Variants in PIEZO2 observed in about 807,000 individuals in gnomAD.
PIEZO2 encodes the protein piezo type mechanosensitive ion channel component 2.
PIEZO2 carries 172 observed loss-of-function variants against 337.3 expected under a neutral mutation model. That is an observed-to-expected ratio of 0.51 (90% CI 0.45 to 0.58). The LOEUF is 0.58. PIEZO2 is among the 20% of genes least tolerant of loss of function. PIEZO2 has a pLI of 0.00. For synonymous variants in PIEZO2, 1,251 were observed against 1,228.5 expected, an observed-to-expected ratio of 1.02 and a Z score of -0.38; for missense variants, 3,028 against 3,391.3, an observed-to-expected ratio of 0.89 and a Z score of 2.66.
intron 5 of PIEZO2, among the ~76,000 whole-genome samples, chr18:10,865,001 G>C (rs2041969634): frequency 6.6e-6 from 1 of 152,186 alleles, no homozygotes; most frequent in Admixed American, 6.5e-5. Flanking sequence ...AGAGCAAACT[G>C]TACAGCAGAG....
In PIEZO2 at chr18:11,003,922, T is replaced by C. The variant is rs2035632786; in HGVS notation, c.161-24262A>G. ...GCTAAATAGGACTAATGGAAGAGAG[T>C]TAATAGTCACTATTTTTGTTGCTTT... On this transcript the variant is annotated intron_variant, in intron 2 of 55. Transcript: ENST00000674853. The surrounding 1 kb of genome is among the most constrained non-coding windows in gnomAD (Gnocchi z 4.6). Among the ~76,000 whole-genome samples, 1 of 152,130 alleles carries C rather than the reference T, an allele frequency of 6.6e-6. No homozygotes were observed. Among genetic ancestry groups the C allele is most frequent in the African/African-American group, 2.4e-5 (1 of 41,420 alleles).
chr18:11,084,880 C>A (rs776555896), intron 1 of PIEZO2, among the ~76,000 whole-genome samples: 1 of 152,162 alleles, frequency 6.6e-6, no homozygotes, highest in African/African-American at 2.4e-5. Flanking sequence ...ATGGTAATAA[C>A]AATTATTGCA....
At chr18:10,769,150 A>G (rs1285191890) in intron 21 of PIEZO2, among the ~76,000 whole-genome samples, 2 of 152,230 alleles carry the variant, frequency 1.3e-5, no homozygotes, top group African/African-American at 4.8e-5. Flanking sequence ...ATTCACCTCT[A>G]CAGTTAAAAT....
chr18:10,888,062 T>G lies in PIEZO2; in HGVS notation c.330-16647A>C, dbSNP rs2042658624. 1.3e-5 allele frequency among the ~76,000 whole-genome samples: 2 copies of G among 152,222 alleles called. No homozygotes were observed. Among genetic ancestry groups the G allele is most frequent in the African/African-American group, 4.8e-5 (2 of 41,448 alleles). ...TCCACCCACCAACTTTAGCAGACAT[T>G]AATGACTCCTGCCTGTATTAACTGT... On this transcript the variant is annotated intron_variant, in intron 4 of 55. Transcript: ENST00000674853. This position sits in a 1 kb window ranked among gnomAD's most constrained non-coding sequence, Gnocchi z 4.1.
At chr18:11,004,417 A>G (rs79382443) in intron 2 of PIEZO2, among the ~76,000 whole-genome samples, 1,994 of 152,218 alleles carry the variant, frequency 0.013, 47 homozygotes, top group African/African-American at 0.045. Flanking sequence ...CTTTCAAAGG[A>G]CTACATATCA....
chr18:10,886,323 C>CATATATATATATATATATATATATATAT (rs58335722), intron 4 of PIEZO2, among the ~76,000 whole-genome samples: 1 of 26,370 alleles, frequency 3.8e-5, no homozygotes, highest in African/African-American at 2.8e-4. Context: ...CCTATACATA[C>CATATATATATATATATATATATATATAT]ATATATATAT....
chr18:10,880,043 G>A (rs2042371510), intron 4 of PIEZO2, among the ~76,000 whole-genome samples: 1 of 152,150 alleles, frequency 6.6e-6, no homozygotes, highest in Non-Finnish European at 1.5e-5. Context: ...TAACGGTATT[G>A]GTAATGCTCA....
rs2040159221 is a variant in PIEZO2 at position 11,125,543 on chromosome 18, A to C, written c.64+22982T>G. Among the ~76,000 whole-genome samples, 1 of 152,222 alleles carries C rather than the reference A, an allele frequency of 6.6e-6. No homozygotes were observed. The highest frequency in any genetic ancestry group is 1.5e-5 in the Non-Finnish European group (1 of 68,050). On this transcript the variant is annotated intron_variant, in intron 1 of 55. Coordinates refer to ENST00000674853, the MANE Select transcript of PIEZO2 (RefSeq NM_001378183.1). This position sits in a 1 kb window ranked among gnomAD's most constrained non-coding sequence, Gnocchi z 4.4. ...TACGTTGTTGGATTGTTTCCTCAATACATCTGCGGAAACCAAGACACACTC... is the reference window on the plus strand; with the variant it reads ...TACGTTGTTGGATTGTTTCCTCAATCCATCTGCGGAAACCAAGACACACTC...
At position 11,128,143 on chromosome 18, in the gene PIEZO2, C is replaced by A. The variant is rs1232755831; in HGVS notation, c.64+20382G>T. Among the ~76,000 whole-genome samples the A allele has an allele frequency of 6.6e-6, 1 of 151,996 alleles. No homozygotes were observed. Among genetic ancestry groups the A allele is most frequent in the African/African-American group, 2.4e-5 (1 of 41,362 alleles). On this transcript the variant is annotated intron_variant, in intron 1 of 55. Coordinates refer to ENST00000674853, the MANE Select transcript of PIEZO2 (RefSeq NM_001378183.1). The surrounding 1 kb of genome is among the most constrained non-coding windows in gnomAD (Gnocchi z 4.1). Reference sequence around the variant, plus strand: ...ATACCTTTAACCATATGTGGAGAACCAAGGAACGTAATAAAGCTGGTTGGT... The same window carrying A: ...ATACCTTTAACCATATGTGGAGAACAAAGGAACGTAATAAAGCTGGTTGGT...
intron 3 of PIEZO2, among the ~76,000 whole-genome samples, chr18:10,931,625 C>A (rs1187929575): frequency 6.6e-6 from 1 of 152,102 alleles, no homozygotes; most frequent in East Asian, 1.9e-4. Flanking sequence ...CCACTGTTAA[C>A]AAGTTGTTAC....
rs2034976667 is a variant in PIEZO2, at chr18:10,988,728, A to G, written c.161-9068T>C. 6.6e-6 allele frequency among the ~76,000 whole-genome samples: 1 copy of G among 152,184 alleles called. No individual in the cohort carries two copies. Among genetic ancestry groups the G allele is most frequent in the Non-Finnish European group, 1.5e-5 (1 of 68,020 alleles). On this transcript the variant is annotated intron_variant, in intron 2 of 55. Coordinates refer to ENST00000674853, the MANE Select transcript of PIEZO2 (RefSeq NM_001378183.1). The surrounding 1 kb of genome is among the most constrained non-coding windows in gnomAD (Gnocchi z 4.8). ...GATAAGGAAATTGTGGCATATACATACATAGAATATTATTCATCCTTAACA... is the reference window on the plus strand; with the variant it reads ...GATAAGGAAATTGTGGCATATACATGCATAGAATATTATTCATCCTTAACA...
chr18:10,985,550 G>GT (rs1394846766), intron 2 of PIEZO2, among the ~76,000 whole-genome samples: 3 of 151,964 alleles, frequency 2.0e-5, no homozygotes, highest in African/African-American at 4.8e-5. Flanking sequence ...CTATTTGTCT[G>GT]TTTTTTATGC....
chr18:10,670,299 AG>A lies in PIEZO2; in HGVS notation c.*1227del, dbSNP rs1346507300. Reference sequence around the variant, plus strand: ...AGTCAGCCCTGAACCCAAACTACACAGGATCAATTTTTGACATATTCTAGTC... The same window carrying A: ...AGTCAGCCCTGAACCCAAACTACACAGATCAATTTTTGACATATTCTAGTC... On this transcript the variant is annotated 3_prime_UTR_variant, in exon 56 of 56. Transcript: ENST00000674853. The A allele has an allele frequency of 2.6e-5, 4 of 152,202 alleles. No homozygotes were observed. The highest frequency in any genetic ancestry group is 5.9e-5 in the Non-Finnish European group (4 of 68,026). The allele number at this position is 152,202 out of a possible 1,614,324, so 9.4% of individuals were successfully genotyped here.
chr18:11,000,567 T>C (rs547595506), intron 2 of PIEZO2, among the ~76,000 whole-genome samples: 1 of 152,234 alleles, frequency 6.6e-6, no homozygotes, highest in Admixed American at 6.5e-5. Flanking sequence ...CTTTCCTCCT[T>C]CTAAATGCAT....
Position 10,682,064 on chromosome 18 carries a change from G to A in PIEZO2, c.7686+40C>T, listed in dbSNP as rs1212808637. The A allele has an allele frequency of 7.4e-6, 11 of 1,494,348 alleles. No homozygotes were observed. The highest frequency in any genetic ancestry group is 9.8e-6 in the Non-Finnish European group (11 of 1,119,308). The allele number at this position is 1,494,348 out of a possible 1,614,324, so 92.6% of individuals were successfully genotyped here. On this transcript the variant is annotated intron_variant, in intron 50 of 55. Transcript: ENST00000674853. The surrounding 1 kb of genome is among the most constrained non-coding windows in gnomAD (Gnocchi z 5.6). ...CAGCTATCATAAAGGAATGTGGCGTGGGGCAAGGCTCTGGTAGGTGGGGTG... is the reference window on the plus strand; with the variant it reads ...CAGCTATCATAAAGGAATGTGGCGTAGGGCAAGGCTCTGGTAGGTGGGGTG...
At chr18:10,925,411 T>C (rs561211521) in intron 3 of PIEZO2, among the ~76,000 whole-genome samples, 42 of 152,282 alleles carry the variant, frequency 2.8e-4, no homozygotes, top group Non-Finnish European at 5.6e-4. Context: ...AAATGTTGAT[T>C]GATCCCTCAA....
chr18:10,914,693 C>G (rs2030790168), intron 3 of PIEZO2, among the ~76,000 whole-genome samples: 1 of 152,070 alleles, frequency 6.6e-6, no homozygotes, highest in African/African-American at 2.4e-5. Flanking sequence ...GGATTTTTTC[C>G]TTTCAAATCT....
chr18:10,776,804 CT>C (rs1048133559), intron 18 of PIEZO2, among the ~76,000 whole-genome samples: 56 of 151,444 alleles, frequency 3.7e-4, no homozygotes, highest in African/African-American at 1.2e-3. Context: ...TTTAATTCAG[CT>C]TTTTTTTTCC....
At chr18:11,138,021 C>G (rs1056796888) in intron 1 of PIEZO2, among the ~76,000 whole-genome samples, 1 of 152,060 alleles carries the variant, frequency 6.6e-6, no homozygotes, top group African/African-American at 2.4e-5. Flanking sequence ...ATGAAAGTCA[C>G]AGAGTATATA....
Sources: gnomAD v4.1 joint callset for allele counts (sites outside exome capture counted in the v4.1 genomes callset) on GRCh38, gnomAD v4.1.1 for gene constraint, Gnocchi (gnomAD v3.1) non-coding constraint, MANE v1.5 for transcripts, NCBI Gene and HGNC (gene_info 2026-07-23, HGNC 2026-07-21) for gene names.